The following DSE variants were observed in gnomAD, a reference collection of about 807,000 sequenced individuals.
DSE encodes the protein dermatan sulfate epimerase.
Under a neutral mutation model 84.4 loss-of-function variants are expected in DSE, and 36 were observed. The ratio of observed to expected loss-of-function variants is 0.43; its 90% confidence interval spans 0.33 to 0.56. DSE has a LOEUF of 0.56. DSE is among the 20% of genes least tolerant of loss of function. The pLI, the probability that DSE is intolerant of heterozygous loss-of-function variation, is 0.06. For missense variants in DSE, 862 were observed against 1,169.6 expected, an observed-to-expected ratio of 0.74 and a Z score of 3.84; for synonymous variants, 410 against 430.1, an observed-to-expected ratio of 0.95 and a Z score of 0.58.
intron 1 of DSE, among the ~76,000 whole-genome samples, chr6:116,392,478 T>C (rs1171675125): frequency 6.6e-6 from 1 of 152,198 alleles, no homozygotes; most frequent in African/African-American, 2.4e-5. Context: ...GGCCCATCCA[T>C]TAAGTTGAGC....
intron 2 of DSE, among the ~76,000 whole-genome samples, chr6:116,364,362 A>G (rs1043954690): frequency 6.6e-6 from 1 of 152,262 alleles, no homozygotes; most frequent in African/African-American, 2.4e-5. Flanking sequence ...ACATAGAAAC[A>G]TGTCACTAGA....
chr6:116,372,424 C>T (rs1322701182), intron 1 of DSE, among the ~76,000 whole-genome samples: 3 of 152,154 alleles, frequency 2.0e-5, no homozygotes, highest in African/African-American at 7.2e-5. Context: ...GCCGAGATTG[C>T]GCCACTGCTC....
At chr6:116,427,478 A>G (rs867739399) in intron 3 of DSE, among the ~76,000 whole-genome samples, 2 of 152,248 alleles carry the variant, frequency 1.3e-5, no homozygotes, top group Middle Eastern at 3.2e-3. Context: ...TAAATATATA[A>G]TTGGAGATTG....
At position 116,428,378 on chromosome 6, in the gene DSE, T is replaced by G. The variant is rs144796305; in HGVS notation, c.670+1551T>G. Among the ~76,000 whole-genome samples, 688 of 152,282 alleles carry G rather than the reference T, an allele frequency of 4.5e-3. 23 individuals are homozygous for G. The highest frequency in any genetic ancestry group is 0.043 in the South Asian group (207 of 4,826). Reference sequence around the variant, plus strand: ...GGTCTTAAATTTAAGCTACTATAGTTTTATTTCCTTAAATAAATTTTTATT... The same window carrying G: ...GGTCTTAAATTTAAGCTACTATAGTGTTATTTCCTTAAATAAATTTTTATT... On this transcript the variant is annotated intron_variant, in intron 3 of 5. Transcript: ENST00000644252.
chr6:116,429,418 T>C (rs1783666289), intron 3 of DSE, among the ~76,000 whole-genome samples: 2 of 152,156 alleles, frequency 1.3e-5, no homozygotes, highest in Admixed American at 1.3e-4. Context: ...GCAATGTGGC[T>C]ACACCCACAC....
chr6:116,283,564 T>TGTTGTTATG (rs1297826785), intron 2 of DSE, among the ~76,000 whole-genome samples: 2 of 146,356 alleles, frequency 1.4e-5, no homozygotes, highest in African/African-American at 2.5e-5. Context: ...TTGTTGTTGT[T>TGTTGTTATG]ATGGAGTCTC....
At chr6:116,433,572 T>G in intron 5 of DSE, 22 bp downstream of exon 5, 2 of 1,585,094 alleles carry the variant, frequency 1.3e-6, no homozygotes, top group Non-Finnish European at 1.7e-6. Flanking sequence ...TGGGCTAGCT[T>G]TAAAGAGAAA....
At chr6:116,377,691 A>T (rs181990219) in intron 1 of DSE, among the ~76,000 whole-genome samples, 2 of 152,332 alleles carry the variant, frequency 1.3e-5, no homozygotes, top group Admixed American at 1.3e-4. Flanking sequence ...CAGGAATTTC[A>T]TGATAAAAAT....
At chr6:116,384,405 C>T (rs1780444768) in intron 1 of DSE, among the ~76,000 whole-genome samples, 1 of 151,916 alleles carries the variant, frequency 6.6e-6, no homozygotes, top group South Asian at 2.1e-4. Context: ...GTTAGTTAGG[C>T]ATGCTAATAA....
chr6:116,435,764 C>T lies in DSE; in HGVS notation c.1296C>T (p.His432=). 1 of 1,614,032 alleles carries T rather than the reference C, an allele frequency of 6.2e-7. No homozygotes were observed. Among genetic ancestry groups the T allele is most frequent in the Non-Finnish European group, 8.5e-7 (1 of 1,180,000 alleles). ...GACGTGCAATATATGACATTGTCCACAGAAACAAATACAAAGATTGGATCA... is the reference window on the plus strand; with the variant it reads ...GACGTGCAATATATGACATTGTCCATAGAAACAAATACAAAGATTGGATCA... The part of the protein sequence containing the change: ...LGGRAIYDIV[H]RNKYKDWIKG... The change falls in exon 6 of 6, where the codon CAC becomes CAT. Residue 432 remains histidine (H), a synonymous_variant. Transcript: ENST00000644252.
rs1784392691 is a variant in DSE at position 116,440,508 on chromosome 6, T to C, written c.*3163T>C. 1 of 152,180 alleles carries C rather than the reference T, an allele frequency of 6.6e-6. No homozygotes were observed. The highest frequency in any genetic ancestry group is 2.4e-5 in the African/African-American group (1 of 41,452). 9.4% of individuals were successfully genotyped at this position (152,180 alleles called of 1,614,324 possible). A position where few individuals can be genotyped will look rare whatever the true frequency, so the allele number is the denominator to read the frequency against. ...AGTTCACAAACCACTCACAAAAGAA[T>C]CTGAAATTTCTCCAAGTGTTAAGAG... On this transcript the variant is annotated 3_prime_UTR_variant, in exon 6 of 6. Transcript: ENST00000644252.
intron 2 of DSE, among the ~76,000 whole-genome samples, chr6:116,351,388 A>T (rs529295178): frequency 3.9e-5 from 6 of 152,292 alleles, no homozygotes; most frequent in African/African-American, 1.4e-4. Flanking sequence ...TGAACTTGAT[A>T]CTTCTTCACA....
chr6:116,431,234 G>A (rs1315602185), intron 4 of DSE, 41 bp downstream of exon 4: 2 of 1,600,960 alleles, frequency 1.2e-6, no homozygotes, highest in East Asian at 2.2e-5. Context: ...TTAAACTATT[G>A]TAATTTTTTC....
intron 2 of DSE, among the ~76,000 whole-genome samples, chr6:116,265,322 G>T (rs1772578140): frequency 6.6e-6 from 1 of 152,072 alleles, no homozygotes; most frequent in Non-Finnish European, 1.5e-5. Flanking sequence ...GGAAGGATCT[G>T]CTGTTCTCTG....
At chr6:116,279,998 G>C in intron 2 of DSE, 1 of 952,494 alleles carries the variant, frequency 1.0e-6, no homozygotes, top group Non-Finnish European at 1.6e-6. Flanking sequence ...CTGAGCCCGG[G>C]ATTGGTTCCG....
chr6:116,395,083 G>A (rs1781153010), intron 1 of DSE, among the ~76,000 whole-genome samples: 1 of 152,246 alleles, frequency 6.6e-6, no homozygotes, highest in Non-Finnish European at 1.5e-5. Flanking sequence ...AGGACAGAAG[G>A]CACATTTTGA....
rs772444070 is a variant in DSE at position 116,435,749 on chromosome 6, A to G, written c.1281A>G (p.Ile427Met). Residue 427 changes from isoleucine (I) to methionine (M), a missense_variant, in exon 6 of 6, where the codon ATA becomes ATG. Ile to Met is a conservative substitution (Grantham distance 10). Around this residue, in one of 4 missense-constraint regions of DSE, gnomAD observed 309 missense variants for 516.9 expected, o/e 0.60. Coordinates refer to ENST00000644252, the MANE Select transcript of DSE (RefSeq NM_013352.4). ...CTGGAAAACTGGGGGGACGTGCAAT[A>G]TATGACATTGTCCACAGAAACAAAT... ...FKSGKLGGRA[I>M]YDIVHRNKYK... 1.2e-6 allele frequency: 2 copies of G among 1,614,020 alleles called. No homozygotes were observed. The highest frequency in any genetic ancestry group is 2.2e-5 in the East Asian group (1 of 44,892).
chr6:116,365,411 G>A (rs750083321), upstream of DSE, among the ~76,000 whole-genome samples: 9 of 151,998 alleles, frequency 5.9e-5, no homozygotes, highest in African/African-American at 1.9e-4. Context: ...CCACCACCAC[G>A]CCTGGCTAAT....
At chr6:116,266,297 C>G (rs184248332) in intron 2 of DSE, among the ~76,000 whole-genome samples, 1 of 152,116 alleles carries the variant, frequency 6.6e-6, no homozygotes, top group South Asian at 2.1e-4. Flanking sequence ...AACCTCTTGA[C>G]GTTTCAATCA....
Sources: gnomAD v4.1 joint callset for allele counts (sites outside exome capture counted in the v4.1 genomes callset) on GRCh38, gnomAD v4.1.1 for gene constraint, gnomAD v4.1.1 regional missense constraint, MANE v1.5 for transcripts, NCBI Gene and HGNC (gene_info 2026-07-23, HGNC 2026-07-21) for gene names.